The following TRRAP variants were observed in gnomAD, a reference collection of about 807,000 sequenced individuals.
The protein encoded by TRRAP is transformation/transcription domain-associated protein.
A neutral mutation model predicts 438.8 loss-of-function variants in TRRAP; 41 were observed. The ratio of observed to expected loss-of-function variants is 0.09; its 90% CI spans 0.07 to 0.12. The LOEUF (loss-of-function observed/expected upper bound fraction) is 0.12. Among genes scored for constraint, TRRAP ranks in the 10% least tolerant of loss-of-function variants. The pLI is 1.00. For synonymous variants in TRRAP, 1,994 were observed against 1,962.9 expected (o/e 1.02, Z -0.42); for missense variants, 3,122 against 5,055.1 (o/e 0.62, Z 11.60).
intron 62 of TRRAP, 89 bp from the exon 63 acceptor site, chr7:98,988,676 G>C: frequency 6.9e-7 from 1 of 1,445,094 alleles, no homozygotes. Flanking sequence ...ATGCCCCGCA[G>C]TGTTCATTTT....
intron 67 of TRRAP, among the ~76,000 whole-genome samples, chr7:98,995,796 C>T (rs1171002906): frequency 6.6e-6 from 1 of 151,066 alleles, no homozygotes; most frequent in Non-Finnish European, 1.5e-5. Flanking sequence ...ACTCCCATGT[C>T]CCATCTACAC....
intron 51 of TRRAP, among the ~76,000 whole-genome samples, chr7:98,969,343 A>G (rs956483569): frequency 6.6e-6 from 1 of 151,788 alleles, no homozygotes; most frequent in Non-Finnish European, 1.5e-5. Flanking sequence ...GGCCTTCCAT[A>G]TTCTTGATCT....
Position 98,937,831 on chromosome 7 carries a change from T to C in TRRAP, c.4404+11T>C. 6.2e-7 allele frequency: 1 copy of C among 1,606,804 alleles called. No homozygotes were observed. The highest frequency in any genetic ancestry group is 8.5e-7 in the Non-Finnish European group (1 of 1,177,408). On this transcript the variant is annotated intron_variant, in intron 30 of 72. Transcript: ENST00000456197. Reference sequence around the variant, plus strand: ...TGTGATCAGATGATGGTAAGCCAAATGCATTTAAACGCTCTGTAACAAACT... The same window carrying C: ...TGTGATCAGATGATGGTAAGCCAAACGCATTTAAACGCTCTGTAACAAACT...
chr7:98,939,566 G>T (rs1554415101), intron 30 of TRRAP, among the ~76,000 whole-genome samples: 1 of 152,164 alleles, frequency 6.6e-6, no homozygotes, highest in Non-Finnish European at 1.5e-5. Flanking sequence ...TTTCCAAATT[G>T]GGGACTTTCA....
chr7:98,907,094 C>T (rs1005284606), intron 13 of TRRAP, among the ~76,000 whole-genome samples: 3 of 151,602 alleles, frequency 2.0e-5, no homozygotes, highest in Admixed American at 6.6e-5. Context: ...GAGGCCGAGG[C>T]GGGCAGATCA....
intron 5 of TRRAP, among the ~76,000 whole-genome samples, chr7:98,893,095 G>A (rs1396240455): frequency 6.6e-6 from 1 of 152,050 alleles, no homozygotes; most frequent in East Asian, 1.9e-4. Flanking sequence ...GGGATTACAG[G>A]CCCTTGCCAC....
intron 65 of TRRAP, 104 bp from the exon 66 acceptor site, chr7:98,993,434 C>T: frequency 7.9e-7 from 1 of 1,258,690 alleles, no homozygotes; most frequent in Non-Finnish European, 1.1e-6. Context: ...GATTCACACG[C>T]CGGCAGGAAC....
At chr7:98,995,116 C>T (rs920935586) in intron 67 of TRRAP, among the ~76,000 whole-genome samples, 35 of 152,188 alleles carry the variant, frequency 2.3e-4, no homozygotes, top group African/African-American at 8.4e-4. Context: ...CCCTCCTGCC[C>T]TCCTGCCTTC....
chr7:98,948,758 G>A lies in TRRAP; in HGVS notation c.4788+73G>A. 1.2e-6 allele frequency: 2 copies of A among 1,604,340 alleles called. No individual in the cohort carries two copies. The highest frequency in any genetic ancestry group is 1.3e-5 in the African/African-American group (1 of 74,880). ...GAGCTGTCGTGCTCTGAAATGTTCA[G>A]TTCATATTTCACTATTCAGTGTCCT... On this transcript the variant is annotated intron_variant, in intron 35 of 72. Transcript: ENST00000456197. This position sits in a 1 kb window ranked among gnomAD's most constrained non-coding sequence, Gnocchi z 4.9.
At chr7:98,984,415 A>T (rs531275427) in intron 61 of TRRAP, 57 bp downstream of exon 61, 1 of 1,483,608 alleles carries the variant, frequency 6.7e-7, no homozygotes, top group South Asian at 1.5e-5. Context: ...CAGGTGGAGA[A>T]TGAGGCAATG....
intron 33 of TRRAP, among the ~76,000 whole-genome samples, chr7:98,947,104 T>C (rs1286994650): frequency 6.6e-6 from 1 of 152,256 alleles, no homozygotes; most frequent in Non-Finnish European, 1.5e-5. Context: ...ACCCCGAGGA[T>C]CGCAGCGCGC....
chr7:98,934,860 A>T (rs1020000200), intron 27 of TRRAP, among the ~76,000 whole-genome samples: 4 of 152,144 alleles, frequency 2.6e-5, no homozygotes, highest in Non-Finnish European at 5.9e-5. Flanking sequence ...GGGCAGTGGA[A>T]TGGGGTGGGT....
chr7:98,994,079 G>A lies in TRRAP; in HGVS notation c.10047+342G>A, dbSNP rs1432847468. ...TAACAGGGTTATAATTTCCATAGAT[G>A]GGAAATTGTAGGGATGTGGGGTCTT... On this transcript the variant is annotated intron_variant, in intron 66 of 72. Transcript: ENST00000456197. The surrounding 1 kb of genome is among the most constrained non-coding windows in gnomAD (Gnocchi z 4.8). Among the ~76,000 whole-genome samples, 2 of 152,176 alleles carry A rather than the reference G, an allele frequency of 1.3e-5. No homozygotes were observed. Among genetic ancestry groups the A allele is most frequent in the Admixed American group, 6.5e-5 (1 of 15,276 alleles).
In TRRAP at chr7:98,984,093, C is replaced by T. The variant is rs955403045; in HGVS notation, c.9023C>T (p.Ala3008Val). The change falls in exon 61 of 73, where the codon GCG becomes GTG. Residue 3008 changes from alanine to valine, a missense_variant and splice_region_variant. By Grantham distance (64) the Ala-to-Val change is moderately conservative. Transcript: ENST00000456197. ...AATGATTCCTTTCTTTGCCCTCTAGCGATTGTAACTGCCTATGAGAATAGC... is the reference window on the plus strand; with the variant it reads ...AATGATTCCTTTCTTTGCCCTCTAGTGATTGTAACTGCCTATGAGAATAGC... Reference protein sequence around the residue: ...IFMWRQHHYQAIVTAYENSSQ... With the variant: ...IFMWRQHHYQVIVTAYENSSQ... The T allele has an allele frequency of 2.5e-6, 4 of 1,592,396 alleles. No individual in the cohort carries two copies. The highest frequency in any genetic ancestry group is 1.1e-5 in the South Asian group (1 of 87,162).
At chr7:98,880,305 C>T (rs1349559462) in intron 1 of TRRAP, among the ~76,000 whole-genome samples, 1 of 140,418 alleles carries the variant, frequency 7.1e-6, no homozygotes, top group Non-Finnish European at 1.5e-5. Context: ...GCTCTATTGC[C>T]CAGGATGGAG....
In TRRAP at chr7:98,976,641, A is replaced by C; in HGVS notation, c.8118A>C (p.Thr2706=). Residue 2706 remains threonine (T), a synonymous_variant, in exon 55 of 73, where the codon ACA becomes ACC. Transcript: ENST00000456197. This position sits in a 1 kb window ranked among gnomAD's most constrained non-coding sequence, Gnocchi z 4.6. ...GCGTCCTGAAGTACCTGGGGAAGAC[A>C]CACAACCTCTGGTTCCGGTCCACGC... ...RPCVLKYLGK[T]HNLWFRSTLM... The C allele has an allele frequency of 6.2e-7, 1 of 1,614,184 alleles. No homozygotes were observed. Among genetic ancestry groups the C allele is most frequent in the Non-Finnish European group, 8.5e-7 (1 of 1,180,038 alleles).
chr7:98,976,497 G>A lies in TRRAP; in HGVS notation c.7974G>A (p.Glu2658=). The part of the protein sequence containing the change: ...SDRQQHALAG[E]ISPFLCSGSH... ...TTTGGTTTCAGGCACTCGCGGGTGA[G>A]ATAAGTCCATTTCTGTGCAGCGGCA... Residue 2658 remains glutamate (E), a synonymous_variant, in exon 55 of 73, where the codon GAG becomes GAA. Transcript: ENST00000456197. The surrounding 1 kb of genome is among the most constrained non-coding windows in gnomAD (Gnocchi z 4.6). The A allele has an allele frequency of 6.2e-7, 1 of 1,610,534 alleles. No homozygotes were observed. The highest frequency in any genetic ancestry group is 8.5e-7 in the Non-Finnish European group (1 of 1,179,670).
In TRRAP at chr7:98,908,633, T is replaced by G; in HGVS notation, c.1116-95T>G. The G allele has an allele frequency of 9.1e-7, 1 of 1,098,038 alleles. No homozygotes were observed. Among genetic ancestry groups the G allele is most frequent in the Non-Finnish European group, 1.3e-6 (1 of 761,168 alleles). The allele number at this position is 1,098,038 out of a possible 1,614,324, so 68.0% of individuals were successfully genotyped here. A position where few individuals can be genotyped will look rare whatever the true frequency, so the allele number is the denominator to read the frequency against. Reference sequence around the variant, plus strand: ...CCATGTAAGTGTGCCGACCCAGGGGTGGTGTTCCTGGGGCAGATGGTGATA... The same window carrying G: ...CCATGTAAGTGTGCCGACCCAGGGGGGGTGTTCCTGGGGCAGATGGTGATA... On this transcript the variant is annotated intron_variant, in intron 13 of 72. Coordinates refer to ENST00000456197, the MANE Select transcript of TRRAP (RefSeq NM_001375524.1). The surrounding 1 kb of genome is among the most constrained non-coding windows in gnomAD (Gnocchi z 4.1).
rs781979352 is a variant in TRRAP, at chr7:98,921,779, T to G, written c.2649T>G (p.Pro883=). The change falls in exon 21 of 73, where the codon CCT becomes CCG. Residue 883 remains proline, a synonymous_variant. Coordinates refer to ENST00000456197, the MANE Select transcript of TRRAP (RefSeq NM_001375524.1). ...CTCTGTGGCGCACCTTACGCAACCC[T>G]GCTGACAGCATCTCCCACGTGGCCT... The part of the protein sequence containing the change: ...MQALWRTLRN[P]ADSISHVAYR... The G allele has an allele frequency of 3.1e-6, 5 of 1,614,062 alleles. No homozygotes were observed. The African/African-American group carries it at 4.0e-5, about 13-fold the overall frequency.
Sources: allele counts gnomAD v4.1 joint callset (sites outside exome capture counted in the v4.1 genomes callset), GRCh38; gene constraint gnomAD v4.1.1; non-coding constraint Gnocchi (gnomAD v3.1); transcripts MANE v1.5; gene names NCBI Gene and HGNC (gene_info 2026-07-23, HGNC 2026-07-21).